Variants in SCN1A observed in about 807,000 individuals in gnomAD.
SCN1A encodes sodium voltage-gated channel alpha subunit 1.
Under a neutral mutation model 193.7 loss-of-function variants are expected in SCN1A, and 13 were observed. The observed-to-expected ratio is 0.07, with a 90% CI of 0.04 to 0.11. The LOEUF is 0.11. SCN1A is among the 10% of genes least tolerant of loss of function. The pLI, the probability that SCN1A is intolerant of heterozygous loss-of-function variation, is 1.00. For missense variants in SCN1A, 1,432 were observed against 2,451.1 expected (o/e 0.58, Z 8.78); for synonymous variants, 781 against 843.6 (o/e 0.93, Z 1.29).
intron 2 of SCN1A, among the ~76,000 whole-genome samples, chr2:166,097,762 G>C (rs867792066): frequency 1.3e-5 from 2 of 152,076 alleles, no homozygotes; most frequent in Non-Finnish European, 2.9e-5. Context: ...AAAATATTTT[G>C]TAGGGACAGG....
chr2:165,986,237 A>G lies in SCN1A; in HGVS notation c.*5008T>C, dbSNP rs1253098680. 1 of 152,154 alleles carries G rather than the reference A, an allele frequency of 6.6e-6. No homozygotes were observed. Among genetic ancestry groups the G allele is most frequent in the East Asian group, 1.9e-4 (1 of 5,196 alleles). The allele number at this position is 152,154 out of a possible 1,614,324, so 9.4% of individuals were successfully genotyped here. ...CTTTAACTTGGATATGTTCAGCTTT[A>G]TAAATATTTATGGCATTATTCTTAA... On this transcript the variant is annotated 3_prime_UTR_variant, in exon 29 of 29. Coordinates refer to ENST00000674923, the MANE Select transcript of SCN1A (RefSeq NM_001165963.4).
At chr2:166,129,336 G>A (rs1042645377), upstream of SCN1A, among the ~76,000 whole-genome samples, 16 of 152,226 alleles carry the variant, frequency 1.1e-4, no homozygotes, top group African/African-American at 3.9e-4. Flanking sequence ...TCACAGAAAA[G>A]TAATTTTGAT....
chr2:166,002,826 A>G, intron 23 of SCN1A, 73 bp from the exon 24 acceptor site: 1 of 1,242,034 alleles, frequency 8.1e-7, no homozygotes, highest in Non-Finnish European at 1.1e-6. Context: ...TCCCCTAGTA[A>G]TCTCTGGTCT....
chr2:166,036,223 C>T lies in SCN1A; in HGVS notation c.3254G>A (p.Gly1085Asp). ...YLKDVNGTTS[G>D]IGTGSSVEKY... ...TTCAACACTGCTGCCAGTTCCTATA[C>T]CACTTGTAGTTCCATTTACATCTTT... The change falls in exon 19 of 29, where the codon GGT becomes GAT. Residue 1085 changes from glycine (G) to aspartate (D), a missense_variant. By Grantham distance (94) the Gly-to-Asp change is moderately conservative. Transcript: ENST00000674923. The T allele has an allele frequency of 6.2e-7, 1 of 1,613,934 alleles. No individual in the cohort carries two copies.
At chr2:166,085,857 T>G (rs1030970730) in intron 2 of SCN1A, among the ~76,000 whole-genome samples, 5 of 152,122 alleles carry the variant, frequency 3.3e-5, no homozygotes, top group African/African-American at 1.2e-4. Context: ...CTGCAATGGT[T>G]ACTATGGATT....
intron 2 of SCN1A, among the ~76,000 whole-genome samples, chr2:166,089,789 G>A (rs572275324): frequency 8.1e-4 from 124 of 152,244 alleles, no homozygotes; most frequent in African/African-American, 2.8e-3. Flanking sequence ...ATACTCATGA[G>A]AGGAACCAGT....
At chr2:166,100,510 A>G (rs1687925617) in intron 2 of SCN1A, among the ~76,000 whole-genome samples, 1 of 151,722 alleles carries the variant, frequency 6.6e-6, no homozygotes, top group Admixed American at 6.6e-5. Context: ...AAAATTGACA[A>G]ATGGGATCTA....
rs752718322 is a variant in SCN1A at position 166,073,344 on chromosome 2, T to TA, written c.264+13dup. 14 of 1,612,978 alleles carry TA rather than the reference T, an allele frequency of 8.7e-6. No homozygotes were observed. Among genetic ancestry groups the TA allele is most frequent in the African/African-American group, 5.3e-5 (4 of 74,898 alleles). On this transcript the variant is annotated intron_variant, in intron 4 of 28. Coordinates refer to ENST00000674923, the MANE Select transcript of SCN1A (RefSeq NM_001165963.4). ...GCAATTAGCAGCAAAATATGCCTGA[T>TA]AAAAAACACTCACTTTCTTATTGAT... is the stretch of plus-strand genomic sequence containing the variant.
intron 4 of SCN1A, chr2:166,060,201 TATC>T (rs1403972599): frequency 6.6e-6 from 1 of 152,216 alleles, no homozygotes; most frequent in East Asian, 1.9e-4. Flanking sequence ...GCATTCCCTC[TATC>T]ATCTTTGAAG....
intron 2 of SCN1A, among the ~76,000 whole-genome samples, chr2:166,116,259 A>G (rs1265078338): frequency 6.6e-6 from 1 of 152,136 alleles, no homozygotes; most frequent in Non-Finnish European, 1.5e-5. Context: ...AACATTTAGA[A>G]AAAGACCAAT....
intron 1 of SCN1A, among the ~76,000 whole-genome samples, chr2:166,141,478 G>A (rs771688421): frequency 6.2e-4 from 94 of 151,964 alleles, no homozygotes; most frequent in East Asian, 3.9e-4. Context: ...GATTGCTTGG[G>A]GCCAGGAGTT....
intron 12 of SCN1A, among the ~76,000 whole-genome samples, chr2:166,046,294 A>G (rs1697814281): frequency 6.6e-6 from 1 of 152,200 alleles, no homozygotes; most frequent in Non-Finnish European, 1.5e-5. Context: ...ATGCTGCTGT[A>G]TCAGAGATCA....
chr2:166,129,097 TCTTC>T (rs1237615506), upstream of SCN1A, among the ~76,000 whole-genome samples: 1 of 152,194 alleles, frequency 6.6e-6, no homozygotes, highest in African/African-American at 2.4e-5. Flanking sequence ...TTAATCCTTC[TCTTC>T]CTTATTACAG....
At chr2:166,076,435 A>T (rs1033787903) in intron 3 of SCN1A, among the ~76,000 whole-genome samples, 6 of 152,012 alleles carry the variant, frequency 3.9e-5, no homozygotes, top group Non-Finnish European at 8.8e-5. Flanking sequence ...TTTGAATAGG[A>T]GTGTTCAATA....
rs927722314 is a variant in SCN1A, at chr2:165,992,012, C to T, written c.5263G>A (p.Asp1755Asn). The T allele has an allele frequency of 6.2e-7, 1 of 1,613,912 alleles. No homozygotes were observed. The highest frequency in any genetic ancestry group is 1.3e-5 in the African/African-American group (1 of 74,904). The change falls in exon 29 of 29, where the codon GAC (aspartate) becomes AAC (asparagine). Residue 1755 changes from aspartate to asparagine, a missense_variant. Transcript: ENST00000674923. The surrounding 1 kb of genome is among the most constrained non-coding windows in gnomAD (Gnocchi z 6.5). ...ATTCCAACAGATGGGTTCCCACAGT[C>T]TCCCTTAACTGAGCTTCCAGGGTTA... ...KVNPGSSVKG[D>N]CGNPSVGIFF...
At chr2:166,048,190 T>TTCTC (rs1381097989) in intron 10 of SCN1A, among the ~76,000 whole-genome samples, 1 of 152,222 alleles carries the variant, frequency 6.6e-6, no homozygotes, top group South Asian at 2.1e-4. Flanking sequence ...ATAGATATTT[T>TTCTC]TCTCTTTTTT....
chr2:165,995,766 G>A (rs1264123574), intron 27 of SCN1A, among the ~76,000 whole-genome samples: 1 of 151,718 alleles, frequency 6.6e-6, no homozygotes, highest in Non-Finnish European at 1.5e-5. Flanking sequence ...AATATGGATT[G>A]TAATGGGGTG....
Position 166,051,862 on chromosome 2 carries a change from C to T in SCN1A, c.821G>A (p.Arg274Lys), listed in dbSNP as rs1285055471. ...GGGAGGCCATTGTATACATTTATTCCTCAGGTTGCCCATGAACAGCTGCAG... is the reference window on the plus strand; with the variant it reads ...GGGAGGCCATTGTATACATTTATTCTTCAGGTTGCCCATGAACAGCTGCAG... The part of the protein sequence containing the change: ...IGLQLFMGNL[R>K]NKCIQWPPTN... Residue 274 changes from arginine (R) to lysine (K), a missense_variant, in exon 9 of 29, where the codon AGG (arginine) becomes AAG (lysine). Arg to Lys is a conservative substitution (Grantham distance 26). Transcript: ENST00000674923. 9.3e-6 allele frequency: 15 copies of T among 1,612,584 alleles called. No homozygotes were observed. In the South Asian group the frequency reaches 1.2e-4, roughly 13 times the overall value.
rs531228446 is a variant in SCN1A, at chr2:165,988,275, C to T, written c.*2970G>A. 3 of 152,204 alleles carry T rather than the reference C, an allele frequency of 2.0e-5. No individual in the cohort carries two copies. In the South Asian group the frequency reaches 6.2e-4, roughly 31 times the overall value. The allele number at this position is 152,204 out of a possible 1,614,324, so 9.4% of individuals were successfully genotyped here. On this transcript the variant is annotated 3_prime_UTR_variant, in exon 29 of 29. Transcript: ENST00000674923. ...TAAGACCCCAAGCTGAAGCAAGGCA[C>T]ATCTTTGCTTCCTGCTGACTTTCAT... is the stretch of plus-strand genomic sequence containing the variant.
Sources: gnomAD v4.1 joint callset for allele counts (sites outside exome capture counted in the v4.1 genomes callset) on GRCh38, gnomAD v4.1.1 for gene constraint, Gnocchi (gnomAD v3.1) non-coding constraint, MANE v1.5 for transcripts, NCBI Gene and HGNC (gene_info 2026-07-23, HGNC 2026-07-21) for gene names.